The following PTPRT variants were observed in gnomAD, a reference collection of about 807,000 sequenced individuals.
PTPRT encodes the protein receptor-type tyrosine-protein phosphatase T.
A neutral mutation model predicts 176.8 loss-of-function variants in PTPRT; 56 were observed. That is an observed-to-expected ratio of 0.32 (90% CI 0.26 to 0.40). The LOEUF (loss-of-function observed/expected upper bound fraction) is 0.40, where lower values mean the gene tolerates loss of function less well. Among genes scored for constraint, PTPRT ranks in the 10% least tolerant of loss-of-function variants. The pLI, the probability that PTPRT is intolerant of heterozygous loss-of-function variation, is 1.00. For synonymous variants in PTPRT, 783 were observed against 739.0 expected (o/e 1.06, Z -0.96); for missense variants, 1,540 against 1,908.2 (o/e 0.81, Z 3.60).
chr20:42,948,705 G>T (rs1406173183), intron 1 of PTPRT, among the ~76,000 whole-genome samples: 4 of 152,144 alleles, frequency 2.6e-5, no homozygotes, highest in Non-Finnish European at 5.9e-5. Flanking sequence ...ATTCAGTGAT[G>T]CTTGAAGGAC....
chr20:42,087,378 G>A (rs748442059), intron 27 of PTPRT, among the ~76,000 whole-genome samples: 1 of 151,994 alleles, frequency 6.6e-6, no homozygotes, highest in Middle Eastern at 3.4e-3. Context: ...CTACAGGCAT[G>A]TGCCATCACA....
intron 7 of PTPRT, among the ~76,000 whole-genome samples, chr20:42,569,961 G>A (rs2073125767): frequency 6.6e-6 from 1 of 152,300 alleles, no homozygotes. Context: ...TGTTACAGAA[G>A]AAGACACTGA....
chr20:42,516,290 T>A (rs1025531689), intron 7 of PTPRT, among the ~76,000 whole-genome samples: 4 of 151,712 alleles, frequency 2.6e-5, no homozygotes, highest in African/African-American at 9.7e-5. Flanking sequence ...AATGAACACA[T>A]CACCATGATA....
Position 43,189,106 on chromosome 20 carries a change from C to A in PTPRT, c.88+540G>T, listed in dbSNP as rs1419939195. Among the ~76,000 whole-genome samples the A allele has an allele frequency of 2.6e-5, 4 of 152,174 alleles. No individual in the cohort carries two copies. The highest frequency in any genetic ancestry group is 4.4e-5 in the Non-Finnish European group (3 of 68,042). On this transcript the variant is annotated intron_variant, in intron 1 of 30. Transcript: ENST00000373187. This position sits in a 1 kb window ranked among gnomAD's most constrained non-coding sequence, Gnocchi z 5.0. ...CAAACATCCCCTCGGGTGCCTACAG[C>A]GGCCTGCTTAGGGGAGCAGCGTGTT... is the stretch of plus-strand genomic sequence containing the variant.
chr20:42,649,355 C>A (rs1016121939), intron 7 of PTPRT, among the ~76,000 whole-genome samples: 4 of 152,092 alleles, frequency 2.6e-5, no homozygotes. Flanking sequence ...TCACTGGATC[C>A]CTCCCATGAC....
intron 1 of PTPRT, among the ~76,000 whole-genome samples, chr20:43,188,751 G>A (rs886494577): frequency 2.1e-5 from 3 of 142,250 alleles, no homozygotes; most frequent in African/African-American, 8.3e-5. Context: ...GCTACTCTTG[G>A]GGGGGGGGGG....
intron 9 of PTPRT, among the ~76,000 whole-genome samples, chr20:42,406,226 G>T (rs1319961189): frequency 6.6e-6 from 1 of 151,600 alleles, no homozygotes; most frequent in African/African-American, 2.4e-5. Flanking sequence ...CAATAATAAT[G>T]ACATAAAGAA....
At chr20:43,078,019 T>A (rs565486110) in intron 1 of PTPRT, among the ~76,000 whole-genome samples, 3 of 152,304 alleles carry the variant, frequency 2.0e-5, no homozygotes, top group African/African-American at 7.2e-5. Context: ...TCCCAGCATG[T>A]TCTTCATCAC....
the PTPRT span, among the ~76,000 whole-genome samples, chr20:42,035,242 T>C: frequency 1.3e-5 from 2 of 152,244 alleles, no homozygotes; most frequent in Admixed American, 1.3e-4. Context: ...TTTACATAAT[T>C]TATTTTTCCT....
intron 16 of PTPRT, among the ~76,000 whole-genome samples, chr20:42,174,832 G>A (rs547235682): frequency 1.3e-5 from 2 of 152,306 alleles, no homozygotes; most frequent in Non-Finnish European, 2.9e-5. Flanking sequence ...CTCTGAACCA[G>A]TTTCTGCAAA....
chr20:42,644,798 A>G (rs539499953), intron 7 of PTPRT, among the ~76,000 whole-genome samples: 1 of 152,296 alleles, frequency 6.6e-6, no homozygotes, highest in African/African-American at 2.4e-5. Flanking sequence ...ATTCATTTAC[A>G]TTGCCTTAAT....
intron 9 of PTPRT, among the ~76,000 whole-genome samples, chr20:42,410,037 G>T (rs752128655): frequency 2.9e-4 from 44 of 152,100 alleles, no homozygotes; most frequent in Non-Finnish European, 2.5e-4. Flanking sequence ...GTTTGTTCCA[G>T]AAATTTTGAA....
intron 1 of PTPRT, among the ~76,000 whole-genome samples, chr20:43,134,489 C>A (rs2013760383): frequency 6.6e-6 from 1 of 152,134 alleles, no homozygotes; most frequent in African/African-American, 2.4e-5. Flanking sequence ...ATTCCCCTTA[C>A]CCCTCATGTT....
intron 1 of PTPRT, among the ~76,000 whole-genome samples, chr20:43,120,728 C>T (rs571289897): frequency 3.9e-5 from 6 of 152,192 alleles, no homozygotes; most frequent in African/African-American, 7.2e-5. Flanking sequence ...TACATGAAAA[C>T]GACTGACATA....
intron 7 of PTPRT, among the ~76,000 whole-genome samples, chr20:42,624,901 C>G (rs982785014): frequency 6.6e-6 from 1 of 152,026 alleles, no homozygotes; most frequent in African/African-American, 2.4e-5. Context: ...AACACCTTGG[C>G]CAGAAGGGCA....
chr20:42,577,413 G>A (rs1320329109), intron 7 of PTPRT, among the ~76,000 whole-genome samples: 1 of 152,166 alleles, frequency 6.6e-6, no homozygotes, highest in Non-Finnish European at 1.5e-5. Flanking sequence ...GCTCTTCCAA[G>A]GGAGGGGCTA....
chr20:42,194,410 G>A (rs767823160), intron 16 of PTPRT, among the ~76,000 whole-genome samples: 4 of 152,168 alleles, frequency 2.6e-5, no homozygotes, highest in Non-Finnish European at 5.9e-5. Context: ...AAATCAGGAC[G>A]GAGTTAACTC....
At chr20:42,965,096 A>AT (rs1409280024) in intron 1 of PTPRT, among the ~76,000 whole-genome samples, 1 of 152,194 alleles carries the variant, frequency 6.6e-6, no homozygotes, top group African/African-American at 2.4e-5. Context: ...CTGCTTTTTC[A>AT]TATAACCCCA....
At chr20:42,616,057 T>C (rs1164373603) in intron 7 of PTPRT, among the ~76,000 whole-genome samples, 1 of 131,530 alleles carries the variant, frequency 7.6e-6, no homozygotes. Context: ...CTCCTAGGGT[T>C]TTTATGGTTT....
Sources: gnomAD v4.1 joint callset for allele counts (sites outside exome capture counted in the v4.1 genomes callset) on GRCh38, gnomAD v4.1.1 for gene constraint, Gnocchi (gnomAD v3.1) non-coding constraint, MANE v1.5 for transcripts, NCBI Gene and HGNC (gene_info 2026-07-23, HGNC 2026-07-21) for gene names.